The following DGKI variants were observed in gnomAD, a reference collection of about 807,000 sequenced individuals.
The protein encoded by DGKI is DAG kinase iota.
In DGKI, 55 loss-of-function variants were observed where a neutral mutation model predicts 147.5. That is an observed-to-expected ratio of 0.37 (90% CI 0.30 to 0.47). The LOEUF is 0.47. Ranked by LOEUF, DGKI falls within the 20% of genes least tolerant of loss-of-function variation. DGKI has a pLI of 1.00. For missense variants in DGKI, 1,007 were observed against 1,323.8 expected (o/e 0.76, Z 3.71); for synonymous variants, 469 against 477.1 (o/e 0.98, Z 0.22).
chr7:137,558,031 C>T (rs1438411993), intron 19 of DGKI, among the ~76,000 whole-genome samples: 1 of 152,158 alleles, frequency 6.6e-6, no homozygotes, highest in Non-Finnish European at 1.5e-5. Flanking sequence ...CCATAACTAG[C>T]CTCCTGTACT....
chr7:137,764,825 C>T lies in DGKI; in HGVS notation c.402-74823G>A, dbSNP rs575170824. 2.9e-4 allele frequency among the ~76,000 whole-genome samples: 44 copies of T among 152,200 alleles called. No individual in the cohort carries two copies. In the South Asian group the frequency reaches 8.1e-3, roughly 28 times the overall value. On this transcript the variant is annotated intron_variant, in intron 1 of 32. Coordinates refer to ENST00000614521, the MANE Select transcript of DGKI (RefSeq NM_001321708.2). Reference sequence around the variant, plus strand: ...CTGAGCTATGAATATGTTCTCAATCCCATCCCCACCTCCTACCTCTCCAAT... The same window carrying T: ...CTGAGCTATGAATATGTTCTCAATCTCATCCCCACCTCCTACCTCTCCAAT...
intron 21 of DGKI, among the ~76,000 whole-genome samples, chr7:137,516,787 C>A (rs1421405507): frequency 6.6e-6 from 1 of 151,920 alleles, no homozygotes; most frequent in African/African-American, 2.4e-5. Flanking sequence ...AATGGCTCTA[C>A]CATTTTGGCA....
intron 1 of DGKI, among the ~76,000 whole-genome samples, chr7:137,714,204 T>C (rs2116580058): frequency 6.6e-6 from 1 of 152,334 alleles, no homozygotes; most frequent in South Asian, 2.1e-4. Flanking sequence ...ATTATCCTAA[T>C]TGAATTAAAA....
intron 1 of DGKI, among the ~76,000 whole-genome samples, chr7:137,839,803 A>T (rs1798494088): frequency 6.6e-6 from 1 of 152,240 alleles, no homozygotes; most frequent in Non-Finnish European, 1.5e-5. Context: ...TGGTTCTTTT[A>T]TCAGAACATT....
chr7:137,616,121 C>T (rs572314391), intron 8 of DGKI, among the ~76,000 whole-genome samples: 9 of 152,022 alleles, frequency 5.9e-5, no homozygotes, highest in Non-Finnish European at 1.3e-4. Context: ...GTGTGGCATA[C>T]CAATAAGAGC....
Position 137,571,156 on chromosome 7 carries a change from A to G in DGKI, c.1947+19T>C. ...GACTAAAATACATTTCATTTTAATA[A>G]AACAGTTATATTGCTCACCAAAGAG... On this transcript the variant is annotated intron_variant, in intron 19 of 32. Transcript: ENST00000614521. The G allele has an allele frequency of 6.5e-7, 1 of 1,536,080 alleles. No individual in the cohort carries two copies. The highest frequency in any genetic ancestry group is 8.8e-7 in the Non-Finnish European group (1 of 1,133,888).
intron 1 of DGKI, among the ~76,000 whole-genome samples, chr7:137,703,850 A>G (rs930537109): frequency 3.9e-5 from 6 of 152,188 alleles, no homozygotes; most frequent in African/African-American, 1.4e-4. Flanking sequence ...AGAAACAAGA[A>G]AGTATCACGC....
intron 1 of DGKI, among the ~76,000 whole-genome samples, chr7:137,714,110 G>A (rs553705650): frequency 4.7e-4 from 72 of 152,272 alleles, no homozygotes; most frequent in African/African-American, 1.6e-3. Context: ...ACTCTTCAAA[G>A]AAAGTAGTTT....
chr7:137,773,148 G>A (rs906330442), intron 1 of DGKI, among the ~76,000 whole-genome samples: 3 of 152,078 alleles, frequency 2.0e-5, no homozygotes, highest in Admixed American at 6.6e-5. Flanking sequence ...CATGATTCAC[G>A]GAACACTCCT....
At chr7:137,408,071 A>G in intron 29 of DGKI, 76 bp from the exon 30 acceptor site, 1 of 1,555,128 alleles carries the variant, frequency 6.4e-7, no homozygotes, top group Non-Finnish European at 8.8e-7. Context: ...TAATAAAATG[A>G]GAGTCATGTA....
chr7:137,450,010 G>A (rs952398403), intron 27 of DGKI, among the ~76,000 whole-genome samples: 9 of 152,168 alleles, frequency 5.9e-5, no homozygotes, highest in Non-Finnish European at 1.2e-4. Flanking sequence ...AGGATATTAT[G>A]TTAAGCTAAA....
intron 1 of DGKI, among the ~76,000 whole-genome samples, chr7:137,746,780 G>A (rs1355308730): frequency 6.6e-6 from 1 of 152,012 alleles, no homozygotes; most frequent in East Asian, 1.9e-4. Context: ...CCTTGGGTTT[G>A]GCTGGCTTTA....
chr7:137,678,972 A>G (rs1237270489), intron 2 of DGKI, among the ~76,000 whole-genome samples: 1 of 152,206 alleles, frequency 6.6e-6, no homozygotes, highest in African/African-American at 2.4e-5. Flanking sequence ...AACCTTATTC[A>G]CCAGGCCCAC....
intron 1 of DGKI, among the ~76,000 whole-genome samples, chr7:137,732,768 T>C (rs1183928144): frequency 6.6e-6 from 1 of 151,996 alleles, no homozygotes; most frequent in Non-Finnish European, 1.5e-5. Flanking sequence ...GTTCACTTAT[T>C]TAATAGCTGT....
At chr7:137,632,641 G>A (rs992221691) in intron 6 of DGKI, among the ~76,000 whole-genome samples, 5 of 150,868 alleles carry the variant, frequency 3.3e-5, no homozygotes, top group Admixed American at 6.6e-5. Context: ...GGCAGATCAC[G>A]AGGTCAGGAG....
At chr7:137,569,533 C>T (rs1818712212) in intron 19 of DGKI, among the ~76,000 whole-genome samples, 1 of 151,432 alleles carries the variant, frequency 6.6e-6, no homozygotes, top group Admixed American at 6.6e-5. Context: ...TCGAGACCAT[C>T]CTGGCAAACA....
intron 21 of DGKI, among the ~76,000 whole-genome samples, chr7:137,505,989 A>G (rs2128945054): frequency 6.6e-6 from 1 of 152,276 alleles, no homozygotes; most frequent in South Asian, 2.1e-4. Flanking sequence ...AGCAATAGGA[A>G]CATTCATTCA....
chr7:137,493,719 A>C, intron 21 of DGKI: 1 of 700,474 alleles, frequency 1.4e-6, no homozygotes, highest in East Asian at 2.7e-5. Flanking sequence ...AAATCAGCCC[A>C]CAAAGATGAA....
chr7:137,674,879 T>A (rs935373731), intron 3 of DGKI, among the ~76,000 whole-genome samples: 1 of 152,166 alleles, frequency 6.6e-6, no homozygotes, highest in African/African-American at 2.4e-5. Flanking sequence ...ACTTGTGACA[T>A]TTGCTTTGCT....
Sources: allele counts gnomAD v4.1 joint callset (sites outside exome capture counted in the v4.1 genomes callset), GRCh38; gene constraint gnomAD v4.1.1; transcripts MANE v1.5; gene names NCBI Gene and HGNC (gene_info 2026-07-23, HGNC 2026-07-21).